The following ANK3 variants were observed in gnomAD, a reference collection of about 807,000 sequenced individuals.
ANK3 encodes the protein ankyrin 3.
A neutral mutation model predicts 370.9 loss-of-function variants in ANK3; 57 were observed. The ratio of observed to expected loss-of-function variants is 0.15; its 90% confidence interval spans 0.12 to 0.19. ANK3 has a LOEUF of 0.19. Ranked by LOEUF, ANK3 falls within the 10% of genes least tolerant of loss-of-function variation. The probability of loss-of-function intolerance (pLI) is 1.00; values close to 1 mark genes in which losing one functional copy is unlikely to be tolerated. For missense variants in ANK3, 4,439 were observed against 5,302.1 expected (o/e 0.84, Z 5.06); for synonymous variants, 1,929 against 1,946.3 (o/e 0.99, Z 0.23).
chr10:60,399,312 A>G (rs2063307729), intron 2 of ANK3, among the ~76,000 whole-genome samples: 1 of 152,164 alleles, frequency 6.6e-6, no homozygotes, highest in Admixed American at 6.5e-5. Flanking sequence ...AAGAAACTCT[A>G]TCTACTCTGA....
In ANK3 at chr10:60,525,543, G is replaced by A. The variant is rs150654538; in HGVS notation, c.96+89643C>T. ...AGTACTTGCTGAGAGCCTACTATAT[G>A]CGCTAAACTGCAGTGGTTACCAAGG... is the stretch of plus-strand genomic sequence containing the variant. On this transcript the variant is annotated intron_variant, in intron 2 of 43. Coordinates refer to the ANK3 transcript ENST00000373827. 2.2e-4 allele frequency among the ~76,000 whole-genome samples: 33 copies of A among 152,208 alleles called. 1 individual carries two copies. The East Asian group carries it at 6.2e-3, about 29-fold the overall frequency.
intron 2 of ANK3, among the ~76,000 whole-genome samples, chr10:60,567,834 G>A (rs1025629766): frequency 6.6e-6 from 1 of 152,164 alleles, no homozygotes; most frequent in Non-Finnish European, 1.5e-5. Context: ...AGACAACTTT[G>A]GGGGCTCAAG....
intron 7 of ANK3, among the ~76,000 whole-genome samples, chr10:60,250,873 A>T (rs1479133657): frequency 6.6e-6 from 1 of 152,206 alleles, no homozygotes; most frequent in Non-Finnish European, 1.5e-5. Context: ...AGACCAAATC[A>T]CCAGCCAGAA....
intron 1 of ANK3, chr10:60,300,552 T>G: frequency 8.3e-7 from 1 of 1,199,762 alleles, no homozygotes. Context: ...AGAATCCGCC[T>G]GGGCCCTTAT....
At chr10:60,642,635 G>T (rs1016670737) in intron 1 of ANK3, among the ~76,000 whole-genome samples, 17 of 93,568 alleles carry the variant, frequency 1.8e-4, no homozygotes, top group Admixed American at 3.2e-4. Context: ...ACTGTTGTGG[G>T]GTGGGGGGGC....
chr10:60,182,290 G>A (rs778962682), intron 17 of ANK3, among the ~76,000 whole-genome samples: 1 of 152,044 alleles, frequency 6.6e-6, no homozygotes, highest in Non-Finnish European at 1.5e-5. Flanking sequence ...TAATGTGAAT[G>A]CAAGATCATG....
intron 4 of ANK3, among the ~76,000 whole-genome samples, chr10:60,270,861 T>C (rs1271927346): frequency 6.6e-6 from 1 of 152,224 alleles, no homozygotes; most frequent in African/African-American, 2.4e-5. Context: ...GTCTGTTTTT[T>C]GTAGGCCTCC....
At chr10:60,447,011 G>A (rs576506167) in intron 2 of ANK3, among the ~76,000 whole-genome samples, 3 of 152,152 alleles carry the variant, frequency 2.0e-5, no homozygotes, top group African/African-American at 7.2e-5. Context: ...ATGGGTTAGC[G>A]AAGGTATTAG....
chr10:60,625,079 A>T, intron 1 of ANK3, among the ~76,000 whole-genome samples: 1 of 152,062 alleles, frequency 6.6e-6, no homozygotes, highest in East Asian at 1.9e-4. Flanking sequence ...GCCACTTTGA[A>T]CCTAGCCTTT....
intron 1 of ANK3, among the ~76,000 whole-genome samples, chr10:60,298,680 C>A (rs896249008): frequency 5.3e-5 from 8 of 152,166 alleles, no homozygotes; most frequent in African/African-American, 1.9e-4. Flanking sequence ...AGATCAAATG[C>A]TTTCACCATT....
chr10:60,461,039 C>T (rs546943985), intron 2 of ANK3, among the ~76,000 whole-genome samples: 10 of 152,274 alleles, frequency 6.6e-5, no homozygotes, highest in Middle Eastern at 3.4e-3. Flanking sequence ...AAGCACAGGT[C>T]ACAAAACTCA....
At chr10:60,336,652 T>G (rs1372814704) in intron 1 of ANK3, among the ~76,000 whole-genome samples, 1 of 152,192 alleles carries the variant, frequency 6.6e-6, no homozygotes, top group Non-Finnish European at 1.5e-5. Flanking sequence ...ATGTGCATTT[T>G]AAGAAAAAGC....
At chr10:60,392,161 AC>A (rs2063124905), upstream of ANK3, among the ~76,000 whole-genome samples, 1 of 152,200 alleles carries the variant, frequency 6.6e-6, no homozygotes, top group Non-Finnish European at 1.5e-5. Flanking sequence ...CTTATTCTCA[AC>A]ACAAAGGCAT....
At chr10:60,160,123 A>C (rs2095457361) in intron 23 of ANK3, among the ~76,000 whole-genome samples, 1 of 151,678 alleles carries the variant, frequency 6.6e-6, no homozygotes, top group Non-Finnish European at 1.5e-5. Context: ...AACAAGACAA[A>C]AAGTTGGTTT....
At chr10:60,185,317 C>G (rs1345196477) in intron 17 of ANK3, among the ~76,000 whole-genome samples, 2 of 152,110 alleles carry the variant, frequency 1.3e-5, no homozygotes, top group East Asian at 3.9e-4. Flanking sequence ...TTTTCCAAAA[C>G]TGTAAAAACT....
chr10:60,057,055 T>A (rs1275076735), intron 41 of ANK3, among the ~76,000 whole-genome samples: 2 of 152,096 alleles, frequency 1.3e-5, no homozygotes, highest in African/African-American at 4.8e-5. Context: ...ACTGTGGTAT[T>A]CCCCCAAGTA....
In ANK3 at chr10:60,070,469, CCCT is replaced by C; in HGVS notation, c.10409_10411del (p.Glu3470del). Reference sequence around the variant, plus strand: ...CTTGTCCTCATCTGGTCCCACCTTTCCCTCCTCCTCGATAACTTCAAGTTTACT... The same window carrying C: ...CTTGTCCTCATCTGGTCCCACCTTTCCCTCCTCGATAACTTCAAGTTTACT... On this transcript the variant is annotated inframe_deletion, in exon 37 of 44. Coordinates refer to ENST00000280772, the MANE Select transcript of ANK3 (RefSeq NM_020987.5). This position sits in a 1 kb window ranked among gnomAD's most constrained non-coding sequence, Gnocchi z 5.7. 4 of 1,614,122 alleles carry C rather than the reference CCCT, an allele frequency of 2.5e-6. No individual in the cohort carries two copies. Among genetic ancestry groups the C allele is most frequent in the Non-Finnish European group, 3.4e-6 (4 of 1,180,006 alleles).
chr10:60,464,016 T>C (rs1203389815), intron 2 of ANK3, among the ~76,000 whole-genome samples: 1 of 152,144 alleles, frequency 6.6e-6, no homozygotes, highest in Non-Finnish European at 1.5e-5. Context: ...CTGAAAAGAT[T>C]AGCATTGTTT....
chr10:60,537,404 T>C (rs1302302540), intron 2 of ANK3, among the ~76,000 whole-genome samples: 2 of 152,034 alleles, frequency 1.3e-5, no homozygotes, highest in African/African-American at 4.8e-5. Context: ...TGAAAAATAC[T>C]TTTAAAGTGG....
Sources: gnomAD v4.1 joint callset for allele counts (sites outside exome capture counted in the v4.1 genomes callset) on GRCh38, gnomAD v4.1.1 for gene constraint, Gnocchi (gnomAD v3.1) non-coding constraint, MANE v1.5 for transcripts, NCBI Gene and HGNC (gene_info 2026-07-23, HGNC 2026-07-21) for gene names.